Variants in KLF8 observed in about 807,000 individuals in gnomAD.
KLF8 encodes the protein Krueppel-like factor 8.
Under a neutral mutation model 18.2 loss-of-function variants are expected in KLF8, and 10 were observed. That is an observed-to-expected ratio of 0.55 (90% confidence interval 0.34 to 0.93). KLF8 has a LOEUF of 0.93. Among genes scored for constraint, KLF8 ranks in the 40% least tolerant of loss-of-function variants. The pLI is 0.02. For synonymous variants in KLF8, 109 were observed against 97.3 expected (o/e 1.12, Z -0.71); for missense variants, 264 against 277.9 (o/e 0.95, Z 0.36).
chrX:56,162,537 C>T, the KLF8 span, among the ~76,000 whole-genome samples: 148 of 111,521 alleles, frequency 1.3e-3, 2 homozygotes, highest in African/African-American at 4.3e-3. Flanking sequence ...TGGCAATGAG[C>T]GAGGCTCTGT....
At chrX:56,053,629 C>G in the KLF8 span, among the ~76,000 whole-genome samples, 1 of 100,042 alleles carries the variant, frequency 1.0e-5, no homozygotes, top group Non-Finnish European at 2.0e-5. Context: ...GTGAATTCTT[C>G]TGGTCTTGGG....
chrX:56,196,435 G>A, the KLF8 span, among the ~76,000 whole-genome samples: 3 of 111,219 alleles, frequency 2.7e-5, no homozygotes, highest in Non-Finnish European at 3.8e-5. Flanking sequence ...AAATAAAATA[G>A]GAGTTGCAAT....
chrX:55,943,378 G>A, the KLF8 span, among the ~76,000 whole-genome samples: 1 of 110,675 alleles, frequency 9.0e-6, no homozygotes, highest in Non-Finnish European at 1.9e-5. Flanking sequence ...GAGAAGAAAA[G>A]AGATTTGAAG....
chrX:56,106,503 C>T, the KLF8 span, among the ~76,000 whole-genome samples: 1 of 112,149 alleles, frequency 8.9e-6, no homozygotes, highest in East Asian at 2.8e-4. Flanking sequence ...TTGATCGAAT[C>T]AGCTACTGAA....
the KLF8 span, among the ~76,000 whole-genome samples, chrX:56,096,009 A>G: frequency 4.5e-5 from 5 of 111,983 alleles, no homozygotes; most frequent in South Asian, 3.7e-4. Context: ...TGTATTTATC[A>G]TAGCACTATT....
the KLF8 span, among the ~76,000 whole-genome samples, chrX:56,173,909 T>C: frequency 1.8e-5 from 2 of 111,903 alleles, no homozygotes; most frequent in East Asian, 2.8e-4. Flanking sequence ...CTGTTATTGA[T>C]ATATGAGAAT....
chrX:56,190,486 A>C, the KLF8 span, among the ~76,000 whole-genome samples: 31 of 111,912 alleles, frequency 2.8e-4, no homozygotes, highest in African/African-American at 9.7e-4. Context: ...TAAATCTAAT[A>C]AATAATTACA....
chrX:56,035,746 G>T, the KLF8 span, among the ~76,000 whole-genome samples: 1 of 111,473 alleles, frequency 9.0e-6, no homozygotes, highest in South Asian at 3.8e-4. Flanking sequence ...ATATTTGTTG[G>T]CCATTTATAT....
the KLF8 span, among the ~76,000 whole-genome samples, chrX:56,093,905 ATGTGTGTGTGTGTGTGTG>A: frequency 3.4e-5 from 3 of 89,004 alleles, no homozygotes; most frequent in Non-Finnish European, 4.5e-5. Flanking sequence ...TATATATTAT[ATGTGTGTGTGTGTGTGTG>A]TGTGTGTGTG....
the KLF8 span, among the ~76,000 whole-genome samples, chrX:56,198,994 A>G: frequency 8.9e-6 from 1 of 111,994 alleles, no homozygotes; most frequent in Non-Finnish European, 1.9e-5. Context: ...TGGGGAAAGG[A>G]TTCCCTATTT....
chrX:56,072,794 C>G, the KLF8 span, among the ~76,000 whole-genome samples: 2 of 111,479 alleles, frequency 1.8e-5, no homozygotes, highest in Non-Finnish European at 3.8e-5. Context: ...TCACTACTAT[C>G]TATTTCCAAA....
At chrX:56,110,268 T>A in the KLF8 span, among the ~76,000 whole-genome samples, 3 of 111,812 alleles carry the variant, frequency 2.7e-5, no homozygotes, top group South Asian at 3.7e-4. Flanking sequence ...TTTTATAATG[T>A]TAATATAGTT....
the KLF8 span, among the ~76,000 whole-genome samples, chrX:56,116,446 A>G: frequency 9.0e-6 from 1 of 111,002 alleles, no homozygotes; most frequent in South Asian, 3.8e-4. Flanking sequence ...CTTTTCTGCC[A>G]GAAATCAGTG....
At chrX:56,031,796 C>T in the KLF8 span, among the ~76,000 whole-genome samples, 1 of 111,210 alleles carries the variant, frequency 9.0e-6, no homozygotes, top group South Asian at 3.9e-4. Context: ...CTGGAAGGAT[C>T]GGCAGACTAA....
At chrX:56,056,626 A>C in the KLF8 span, among the ~76,000 whole-genome samples, 1 of 70,863 alleles carries the variant, frequency 1.4e-5, no homozygotes, top group Admixed American at 2.1e-4. Context: ...AGGAAGGGGA[A>C]TATCACACTC....
the KLF8 span, among the ~76,000 whole-genome samples, chrX:56,013,256 C>T: frequency 1.7e-4 from 19 of 112,473 alleles, no homozygotes; most frequent in African/African-American, 5.5e-4. Flanking sequence ...GTAGCCCCTT[C>T]GTTTTGGCCA....
intron 2 of KLF8, among the ~76,000 whole-genome samples, chrX:56,256,828 C>T (rs2066802560): frequency 9.0e-6 from 1 of 111,188 alleles, no homozygotes; most frequent in Non-Finnish European, 1.9e-5. Context: ...CTCAGGCTCC[C>T]AAATAGCTGG....
the KLF8 span, among the ~76,000 whole-genome samples, chrX:55,998,338 A>G: frequency 1.7e-4 from 19 of 111,038 alleles, no homozygotes; most frequent in African/African-American, 5.9e-4. Flanking sequence ...GGGCTGGGGG[A>G]CGGTCAGGTC....
chrX:56,078,050 A>G, the KLF8 span, among the ~76,000 whole-genome samples: 1 of 109,616 alleles, frequency 9.1e-6, no homozygotes, highest in African/African-American at 3.5e-5. Context: ...GGTTGAGACA[A>G]TGGGGTTTTC....
Sources: gnomAD v4.1 joint callset for allele counts (sites outside exome capture counted in the v4.1 genomes callset) on GRCh38, gnomAD v4.1.1 for gene constraint, MANE v1.5 for transcripts, NCBI Gene and HGNC (gene_info 2026-07-23, HGNC 2026-07-21) for gene names.